Variants in SLC39A5 observed in about 807,000 individuals in gnomAD.
SLC39A5 encodes the protein solute carrier family 39 member 5.
Under a neutral mutation model 46.9 loss-of-function variants are expected in SLC39A5, and 42 were observed. The observed-to-expected ratio is 0.90, with a 90% CI of 0.70 to 1.16. The LOEUF is 1.16. Among genes scored for constraint, SLC39A5 ranks in the 50% most tolerant of loss-of-function variants. The pLI, the probability that SLC39A5 is intolerant of heterozygous loss-of-function variation, is 0.00. For synonymous variants in SLC39A5, 311 were observed against 323.1 expected, an observed-to-expected ratio of 0.96 and a Z score of 0.40; for missense variants, 677 against 686.8, an observed-to-expected ratio of 0.99 and a Z score of 0.16.
chr12:56,233,478 TA>T (rs565697530), intron 5 of SLC39A5, among the ~76,000 whole-genome samples: 48 of 147,842 alleles, frequency 3.2e-4, no homozygotes, highest in South Asian at 8.6e-4. Context: ...AATAAAAAAA[TA>T]AAAAAAAAAT....
rs767643546 is a variant in SLC39A5 at position 56,231,478 on chromosome 12, C to T, written c.204C>T (p.Gly68=). ...GGCTTCTCCACAGCCTGGGGCTAGG[C>T]CGAGTTCAGGGGCTTCGCCTGGGAC... The part of the protein sequence containing the change: ...LARLLHSLGL[G]RVQGLRLGQH... Residue 68 remains glycine, a synonymous_variant, in exon 4 of 13, where the codon GGC becomes GGT. Coordinates refer to ENST00000454355, the MANE Select transcript of SLC39A5 (RefSeq NM_173596.3). 1.2e-6 allele frequency: 2 copies of T among 1,612,906 alleles called. No homozygotes were observed. Among genetic ancestry groups the T allele is most frequent in the East Asian group, 4.5e-5 (2 of 44,852 alleles).
chr12:56,236,733 T>C lies in SLC39A5; in HGVS notation c.1194T>C (p.Asp398=), dbSNP rs1477677962. 6 of 1,602,424 alleles carry C rather than the reference T, an allele frequency of 3.7e-6. No homozygotes were observed. Among genetic ancestry groups the C allele is most frequent in the Non-Finnish European group, 5.1e-6 (6 of 1,172,938 alleles). The stretch of plus-strand genomic sequence containing the variant: ...GAGATGGTCTACACAACCTCACTGA[T>C]GGGCTGGCCATAGGTGTGAGGGGTG... ...LLGDGLHNLT[D]GLAIGAAFSD... is the part of the protein sequence containing the mutation. The change falls in exon 10 of 13, where the codon GAT becomes GAC. Residue 398 remains aspartate (D), a synonymous_variant. Coordinates refer to ENST00000454355, the MANE Select transcript of SLC39A5 (RefSeq NM_173596.3).
chr12:56,237,576 T>G lies in SLC39A5; in HGVS notation c.1480-12T>G. 1 of 1,613,734 alleles carries G rather than the reference T, an allele frequency of 6.2e-7. No homozygotes were observed. Among genetic ancestry groups the G allele is most frequent in the East Asian group, 2.2e-5 (1 of 44,876 alleles). On this transcript the variant is annotated splice_polypyrimidine_tract_variant and intron_variant, in intron 12 of 12. Coordinates refer to ENST00000454355, the MANE Select transcript of SLC39A5 (RefSeq NM_173596.3). ...GCAAGGCCAGAATCCTGACATCCTC[T>G]TTTTCTTTCAGCTACCAGCCCTGCT...
At chr12:56,230,710 C>G (rs1870122452) in intron 2 of SLC39A5, 121 bp from the exon 3 acceptor site, 1 of 152,718 alleles carries the variant, frequency 6.5e-6, no homozygotes, top group Non-Finnish European at 1.5e-5. Flanking sequence ...ACCCCTGACC[C>G]CGCCCCAAGG....
At chr12:56,235,829 G>A (rs1870702785) in intron 8 of SLC39A5, 129 bp downstream of exon 8, 1 of 1,250,188 alleles carries the variant, frequency 8.0e-7, no homozygotes, top group Admixed American at 2.1e-5. Flanking sequence ...CAGATCACAA[G>A]GTTAGGAGTT....
In SLC39A5 at chr12:56,234,963, C is replaced by T. The variant is rs200408093; in HGVS notation, c.611C>T (p.Ala204Val). The T allele has an allele frequency of 1.2e-6, 2 of 1,613,444 alleles. No individual in the cohort carries two copies. The highest frequency in any genetic ancestry group is 8.5e-7 in the Non-Finnish European group (1 of 1,180,022). The change falls in exon 6 of 13, where the codon GCA becomes GTA. Residue 204 changes from alanine to valine, a missense_variant. Coordinates refer to ENST00000454355, the MANE Select transcript of SLC39A5 (RefSeq NM_173596.3). ...GTCTGCATCGGCGCTCCGGCCCCTG[C>T]ACCCCCAGGGGATCTACTATCTGGT... ...SRVCIGAPAP[A>V]PPGDLLSALL... is the part of the protein sequence containing the mutation.
At position 56,237,661 on chromosome 12, in the gene SLC39A5, T is replaced by TG. The variant is rs776367522; in HGVS notation, c.1559dup (p.Gly521ArgfsTer19). ...CTCCTGCAGGGGCTGGGGCTGCTGC[T>TG]GGGGGGCGGCCTCATGCTTGCCATA... On this transcript the variant is annotated frameshift_variant, in exon 13 of 13. Transcript: ENST00000454355. LOFTEE classifies it high-confidence loss of function. 1.4e-5 allele frequency: 23 copies of TG among 1,609,558 alleles called. No homozygotes were observed. In the Admixed American group the frequency reaches 2.5e-4, roughly 18 times the overall value.
intron 4 of SLC39A5, 51 bp from the exon 5 acceptor site, chr12:56,232,638 G>A (rs368505510): frequency 6.3e-5 from 95 of 1,501,310 alleles, no homozygotes; most frequent in Non-Finnish European, 8.0e-5. Context: ...CTCTCAAAGC[G>A]GGTTGATAGA....
chr12:56,235,956 T>C, intron 8 of SLC39A5: 1 of 514,064 alleles, frequency 1.9e-6, no homozygotes. Context: ...GGCAGGAGAA[T>C]CGCTTGACTT....
intron 10 of SLC39A5, 71 bp downstream of exon 10, chr12:56,236,817 AG>A: frequency 6.3e-7 from 1 of 1,581,822 alleles, no homozygotes; most frequent in Non-Finnish European, 8.6e-7. Flanking sequence ...AGCTGGGGCT[AG>A]GAGAGGGCCG....
intron 5 of SLC39A5, among the ~76,000 whole-genome samples, chr12:56,233,489 T>A (rs11171781): frequency 0.11 from 16,386 of 151,204 alleles, 1,780 homozygotes; most frequent in African/African-American, 0.28. Context: ...AAAAAAAAAA[T>A]ATCTCACTGT....
chr12:56,234,799 C>T, intron 5 of SLC39A5, 25 bp from the exon 6 acceptor site: 1 of 1,612,388 alleles, frequency 6.2e-7, no homozygotes, highest in Non-Finnish European at 8.5e-7. Context: ...GGTGATTCTC[C>T]AATGTATGAC....
At position 56,237,231 on chromosome 12, in the gene SLC39A5, TG is replaced by T. The variant is rs745473878; in HGVS notation, c.1376del (p.Gly459ValfsTer68). ...LLSLVSGALG[L>X]GGAVLGVGLS... ...AGCCTCGTGTCTGGAGCCCTGGGAT[TG>T]GGGGGTGCAGTCCTGGGGGTGGGGC... On this transcript the variant is annotated frameshift_variant, in exon 12 of 13. Transcript: ENST00000454355. LOFTEE classifies it high-confidence loss of function. 2.5e-6 allele frequency: 4 copies of T among 1,613,746 alleles called. No individual in the cohort carries two copies. Among genetic ancestry groups the T allele is most frequent in the Non-Finnish European group, 3.4e-6 (4 of 1,179,934 alleles).
chr12:56,232,793 G>A lies in SLC39A5; in HGVS notation c.392G>A (p.Gly131Glu), dbSNP rs1386476927. The change falls in exon 5 of 13, where the codon GGG becomes GAG. Residue 131 changes from glycine to glutamate, a missense_variant. Gly to Glu is a moderately conservative substitution (Grantham distance 98, BLOSUM62 -2). Transcript: ENST00000454355. ...EESKAPHLPRGPAPSGLDLLH... is the reference protein window; with the variant it reads ...EESKAPHLPREPAPSGLDLLH... Reference sequence around the variant, plus strand: ...TCAAAGGCCCCTCACCTACCCCGTGGGCCAGCCCCCTCGGGCCTGGACCTC... The same window carrying A: ...TCAAAGGCCCCTCACCTACCCCGTGAGCCAGCCCCCTCGGGCCTGGACCTC... 2 of 1,612,462 alleles carry A rather than the reference G, an allele frequency of 1.2e-6. No homozygotes were observed. Among genetic ancestry groups the A allele is most frequent in the Admixed American group, 1.7e-5 (1 of 59,586 alleles).
rs1870805615 is a variant in SLC39A5 at position 56,236,677 on chromosome 12, G to A, written c.1138G>A (p.Gly380Ser). 4.3e-6 allele frequency: 7 copies of A among 1,613,588 alleles called. No homozygotes were observed. In the East Asian group the frequency reaches 1.6e-4, roughly 36 times the overall value. The change falls in exon 10 of 13, where the codon GGC becomes AGC. Residue 380 changes from glycine to serine, a missense_variant. Coordinates refer to ENST00000454355, the MANE Select transcript of SLC39A5 (RefSeq NM_173596.3). ...AGGCCACAGTCATGGGCACCAGGGT[G>A]GCACTGATATCACGTGGATGGTCCT... ...HQGHSHGHQG[G>S]TDITWMVLLG...
intron 8 of SLC39A5, among the ~76,000 whole-genome samples, chr12:56,236,110 G>C (rs1870734824): frequency 6.6e-6 from 1 of 152,238 alleles, no homozygotes; most frequent in Non-Finnish European, 1.5e-5. Context: ...TGTGCTCCTG[G>C]ATCTCTGACA....
rs1366444841 is a variant in SLC39A5, at chr12:56,231,209, AG to A, written c.-65del. 2 of 1,491,846 alleles carry A rather than the reference AG, an allele frequency of 1.3e-6. No individual in the cohort carries two copies. Among genetic ancestry groups the A allele is most frequent in the Non-Finnish European group, 1.8e-6 (2 of 1,107,704 alleles). The allele number at this position is 1,491,846 out of a possible 1,614,324, so 92.4% of individuals were successfully genotyped here. A position where few individuals can be genotyped will look rare whatever the true frequency, so the allele number is the denominator to read the frequency against. On this transcript the variant is annotated 5_prime_UTR_variant, in exon 4 of 13. Transcript: ENST00000454355. ...CCCATTCCTCATTCTTCCAGGGCAC[AG>A]TCCTCAGGATGTTTCGGGGAGAATA...
At position 56,236,519 on chromosome 12, in the gene SLC39A5, T is replaced by C. The variant is rs889061702; in HGVS notation, c.1042+27T>C. 2.5e-6 allele frequency: 4 copies of C among 1,613,764 alleles called. No homozygotes were observed. The African/African-American group carries it at 5.3e-5, about 22-fold the overall frequency. Reference sequence around the variant, plus strand: ...TGACTAGAGGAGAAAATTTGAAGAGTAGGTTCCAAGCTCACAGTCCTTACT... The same window carrying C: ...TGACTAGAGGAGAAAATTTGAAGAGCAGGTTCCAAGCTCACAGTCCTTACT... On this transcript the variant is annotated intron_variant, in intron 9 of 12. Coordinates refer to ENST00000454355, the MANE Select transcript of SLC39A5 (RefSeq NM_173596.3).
intron 4 of SLC39A5, 121 bp downstream of exon 4, chr12:56,231,682 G>A (rs1426003048): frequency 5.7e-6 from 6 of 1,055,588 alleles, no homozygotes; most frequent in Middle Eastern, 3.3e-4. Flanking sequence ...CTTCAGAACC[G>A]AGCTCCTTGG....
Sources: allele counts gnomAD v4.1 joint callset (sites outside exome capture counted in the v4.1 genomes callset), GRCh38; gene constraint gnomAD v4.1.1; transcripts MANE v1.5; gene names NCBI Gene and HGNC (gene_info 2026-07-23, HGNC 2026-07-21).